Variants in UBXN7 observed in about 807,000 individuals in gnomAD.
The protein encoded by UBXN7 is UBX domain protein 7, also known as UBX domain-containing protein 7.
UBXN7 carries 9 observed loss-of-function variants against 58.0 expected under a neutral mutation model. The ratio of observed to expected loss-of-function variants is 0.16; its 90% CI spans 0.09 to 0.27. The LOEUF (loss-of-function observed/expected upper bound fraction) is 0.27. Ranked by LOEUF, UBXN7 falls within the 10% of genes least tolerant of loss-of-function variation. The pLI, the probability that UBXN7 is intolerant of heterozygous loss-of-function variation, is 1.00. For missense variants in UBXN7, 328 were observed against 599.6 expected (o/e 0.55, Z 4.73); for synonymous variants, 208 against 205.0 (o/e 1.01, Z -0.12).
At position 196,349,400 on chromosome 3, in the gene UBXN7, C is replaced by T. The variant is rs1728161413; in HGVS notation, c.*7285G>A. ...TCCGTGTAAGGTTTAACTTACAGGG[C>T]AATAAGTTATCAAAAAGTTATTGTT... On this transcript the variant is annotated 3_prime_UTR_variant, in exon 11 of 11. Coordinates refer to ENST00000296328, the MANE Select transcript of UBXN7 (RefSeq NM_015562.2). 1.3e-5 allele frequency: 2 copies of T among 152,106 alleles called. No individual in the cohort carries two copies. 9.4% of individuals were successfully genotyped at this position (152,106 alleles called of 1,614,324 possible).
chr3:196,403,972 G>C (rs970225072), intron 2 of UBXN7, among the ~76,000 whole-genome samples: 1 of 151,606 alleles, frequency 6.6e-6, no homozygotes, highest in African/African-American at 2.4e-5. Context: ...TTTTAGGTTG[G>C]GCATGGTGGC....
At chr3:196,393,671 A>G in intron 3 of UBXN7, 52 bp from the exon 4 acceptor site, 3 of 1,535,818 alleles carry the variant, frequency 2.0e-6, no homozygotes, top group Non-Finnish European at 2.7e-6. Context: ...TTTTGAAACA[A>G]TTCTAAAAAT....
intron 3 of UBXN7, among the ~76,000 whole-genome samples, chr3:196,401,292 TATATATAC>T (rs1356261352): frequency 7.1e-5 from 6 of 84,154 alleles, no homozygotes; most frequent in South Asian, 3.6e-4. Flanking sequence ...TATATATATA[TATATATAC>T]ACACACACAC....
intron 1 of UBXN7, chr3:196,423,478 G>T (rs1577480679): frequency 4.1e-6 from 1 of 242,950 alleles, no homozygotes; most frequent in Non-Finnish European, 8.3e-6. Context: ...GATGGGGCTT[G>T]GGGTACTTGT....
intron 5 of UBXN7, among the ~76,000 whole-genome samples, chr3:196,382,828 G>A (rs1385146937): frequency 6.6e-6 from 1 of 152,120 alleles, no homozygotes; most frequent in South Asian, 2.1e-4. Context: ...AAAAAATGCA[G>A]GGGTTGGCCG....
intron 1 of UBXN7, among the ~76,000 whole-genome samples, chr3:196,418,309 T>TGACAGAAG (rs113493486): frequency 1.3e-5 from 2 of 151,300 alleles, no homozygotes; most frequent in Admixed American, 1.3e-4. Flanking sequence ...AATGACGGAA[T>TGACAGAAG]GACGGACAGA....
At chr3:196,372,323 T>TCTCTCTCTCTCTCTCTCTCTCC (rs1728864078) in intron 5 of UBXN7, among the ~76,000 whole-genome samples, 1 of 149,382 alleles carries the variant, frequency 6.7e-6, no homozygotes, top group Non-Finnish European at 1.5e-5. Flanking sequence ...TCTCTCTCTC[T>TCTCTCTCTCTCTCTCTCTCTCC]CTCCTTTCTT....
In UBXN7 at chr3:196,417,079, C is replaced by T. The variant is rs187049522; in HGVS notation, c.74-9686G>A. 1.9e-3 allele frequency among the ~76,000 whole-genome samples: 284 copies of T among 152,254 alleles called. 2 individuals are homozygous for T. Among genetic ancestry groups the T allele is most frequent in the African/African-American group, 6.3e-3 (262 of 41,554 alleles). ...CTGTAATCCCAGAACTTTGGGGGGC[C>T]GAGGCGGGCGGATCACAAGGTCAGG... On this transcript the variant is annotated intron_variant, in intron 1 of 10. Coordinates refer to ENST00000296328, the MANE Select transcript of UBXN7 (RefSeq NM_015562.2).
At chr3:196,423,721 C>A (rs1382646762) in intron 1 of UBXN7, among the ~76,000 whole-genome samples, 3 of 152,090 alleles carry the variant, frequency 2.0e-5, no homozygotes, top group Admixed American at 6.6e-5. Flanking sequence ...AGTGGATAAA[C>A]CCAAAGTACC....
At chr3:196,417,260 C>A (rs936359805) in intron 1 of UBXN7, among the ~76,000 whole-genome samples, 1 of 152,134 alleles carries the variant, frequency 6.6e-6, no homozygotes, top group South Asian at 2.1e-4. Flanking sequence ...TGCAGTGAGC[C>A]GAGATCGCGC....
intron 5 of UBXN7, 68 bp downstream of exon 5, chr3:196,391,745 T>G: frequency 8.1e-7 from 1 of 1,241,312 alleles, no homozygotes; most frequent in Non-Finnish European, 1.2e-6. Flanking sequence ...AACAAGTAAT[T>G]TTTTAAAAAA....
At chr3:196,384,368 G>T (rs1163206742) in intron 5 of UBXN7, among the ~76,000 whole-genome samples, 3 of 152,094 alleles carry the variant, frequency 2.0e-5, no homozygotes, top group African/African-American at 7.2e-5. Context: ...TTCTACCAGA[G>T]GTACAAAGAG....
In UBXN7 at chr3:196,352,285, T is replaced by TTGCC. The variant is rs528088041; in HGVS notation, c.*4396_*4399dup. On this transcript the variant is annotated 3_prime_UTR_variant, in exon 11 of 11. Coordinates refer to ENST00000296328, the MANE Select transcript of UBXN7 (RefSeq NM_015562.2). The surrounding 1 kb of genome is among the most constrained non-coding windows in gnomAD (Gnocchi z 4.1). ...TTTTTTGAGACAGAGTCTCGCTCCA[T>TTGCC]TGCCCAGGATGGAGTGCAGTGGTGT... 225 of 152,330 alleles carry TTGCC rather than the reference T, an allele frequency of 1.5e-3. No homozygotes were observed. Among genetic ancestry groups the TTGCC allele is most frequent in the African/African-American group, 5.3e-3 (219 of 41,574 alleles). 9.4% of individuals were successfully genotyped at this position (152,330 alleles called of 1,614,324 possible).
chr3:196,414,488 C>T lies in UBXN7; in HGVS notation c.74-7095G>A, dbSNP rs140047152. Among the ~76,000 whole-genome samples, 111 of 152,232 alleles carry T rather than the reference C, an allele frequency of 7.3e-4. 1 individual carries two copies. In the East Asian group the frequency reaches 0.02, roughly 27 times the overall value. On this transcript the variant is annotated intron_variant, in intron 1 of 10. Coordinates refer to ENST00000296328, the MANE Select transcript of UBXN7 (RefSeq NM_015562.2). ...TACAAGATTTGTTCCTTACCCCTCC[C>T]ATGTTATATCCCTCTACTCTCATCT...
chr3:196,372,366 G>T (rs1380841522), intron 5 of UBXN7, among the ~76,000 whole-genome samples: 2 of 123,856 alleles, frequency 1.6e-5, no homozygotes, highest in African/African-American at 3.0e-5. Context: ...TTTTGAGACA[G>T]AGTCTAACTC....
At chr3:196,387,410 A>G (rs1323667133) in intron 5 of UBXN7, among the ~76,000 whole-genome samples, 1 of 152,214 alleles carries the variant, frequency 6.6e-6, no homozygotes, top group Non-Finnish European at 1.5e-5. Context: ...ACCAATAGCA[A>G]TGGCAACAAA....
In UBXN7 at chr3:196,350,291, C is replaced by T. The variant is rs1728180311; in HGVS notation, c.*6394G>A. On this transcript the variant is annotated 3_prime_UTR_variant, in exon 11 of 11. Transcript: ENST00000296328. ...TGAGAATATCTGCAATTTTAAGCAA[C>T]ACAACAGCAACTGGTAGGCCACAAA... is the stretch of plus-strand genomic sequence containing the variant. The T allele has an allele frequency of 1.3e-5, 2 of 152,168 alleles. No individual in the cohort carries two copies. The highest frequency in any genetic ancestry group is 4.1e-4 in the South Asian group (2 of 4,828). The allele number at this position is 152,168 out of a possible 1,614,324, so 9.4% of individuals were successfully genotyped here.
intron 5 of UBXN7, among the ~76,000 whole-genome samples, chr3:196,381,750 T>G (rs189673584): frequency 6.6e-6 from 1 of 152,156 alleles, no homozygotes; most frequent in Non-Finnish European, 1.5e-5. Context: ...GAAAAAAGAT[T>G]AGATGAATTG....
chr3:196,372,153 A>T, intron 5 of UBXN7, 111 bp from the exon 6 acceptor site: 2 of 1,213,902 alleles, frequency 1.6e-6, no homozygotes, highest in South Asian at 3.3e-5. Context: ...AGTTTTTGCC[A>T]GATACGACAT....
Sources: allele counts gnomAD v4.1 joint callset (sites outside exome capture counted in the v4.1 genomes callset), GRCh38; gene constraint gnomAD v4.1.1; non-coding constraint Gnocchi (gnomAD v3.1); transcripts MANE v1.5; gene names NCBI Gene and HGNC (gene_info 2026-07-23, HGNC 2026-07-21).